Variants in NSD1 observed in about 807,000 individuals in gnomAD.
NSD1 encodes histone-lysine N-methyltransferase, H3 lysine-36 specific.
Under a neutral mutation model 242.7 loss-of-function variants are expected in NSD1, and 26 were observed. The observed-to-expected ratio is 0.11, with a 90% confidence interval of 0.08 to 0.15. The LOEUF (loss-of-function observed/expected upper bound fraction) is 0.15. NSD1 is among the 10% of genes least tolerant of loss of function. NSD1 has a pLI of 1.00. For missense variants in NSD1, 2,495 were observed against 3,272.8 expected, an observed-to-expected ratio of 0.76 and a Z score of 5.80; for synonymous variants, 1,106 against 1,178.1, an observed-to-expected ratio of 0.94 and a Z score of 1.25.
chr5:177,150,545 C>A (rs1213680435), intron 2 of NSD1, among the ~76,000 whole-genome samples: 3 of 146,508 alleles, frequency 2.0e-5, no homozygotes, highest in Admixed American at 6.7e-5. Context: ...GTGTTTTTTG[C>A]TGTTATTATT....
intron 5 of NSD1, among the ~76,000 whole-genome samples, chr5:177,221,483 T>G (rs1764231032): frequency 6.6e-6 from 1 of 152,138 alleles, no homozygotes; most frequent in Admixed American, 6.6e-5. Context: ...CCCCCCAATT[T>G]TTTTTCAAGG....
chr5:177,137,065 ATTG>A (rs1756400051), intron 2 of NSD1: 5 of 448,776 alleles, frequency 1.1e-5, no homozygotes, highest in Non-Finnish European at 2.0e-5. Context: ...GCTGTCAAGT[ATTG>A]TTAGAGGGTG....
chr5:177,159,024 A>G (rs1581162343), intron 2 of NSD1, among the ~76,000 whole-genome samples: 1 of 113,636 alleles, frequency 8.8e-6, no homozygotes, highest in African/African-American at 3.4e-5. Flanking sequence ...ATATATATAT[A>G]TGAATGATAT....
chr5:177,189,833 T>A (rs1161875643), intron 2 of NSD1, among the ~76,000 whole-genome samples: 2 of 152,220 alleles, frequency 1.3e-5, no homozygotes, highest in Non-Finnish European at 2.9e-5. Context: ...CTACTCAGAT[T>A]GCAGTTTTCA....
At chr5:177,257,441 C>T (rs1286818044) in intron 13 of NSD1, among the ~76,000 whole-genome samples, 1 of 152,034 alleles carries the variant, frequency 6.6e-6, no homozygotes, top group Admixed American at 6.6e-5. Flanking sequence ...CCGTGTTAGC[C>T]AGGATGGTCT....
chr5:177,295,649 A>G lies in NSD1; in HGVS notation c.*190A>G. 2 of 690,254 alleles carry G rather than the reference A, an allele frequency of 2.9e-6. No homozygotes were observed. Among genetic ancestry groups the G allele is most frequent in the Non-Finnish European group, 5.0e-6 (2 of 400,178 alleles). 42.8% of individuals were successfully genotyped at this position (690,254 alleles called of 1,614,324 possible). On this transcript the variant is annotated 3_prime_UTR_variant, in exon 23 of 23. Transcript: ENST00000439151. This position sits in a 1 kb window ranked among gnomAD's most constrained non-coding sequence, Gnocchi z 4.3. ...GCCAGTGGGGGCTTATGGTTGTGTG[A>G]ACCATGTATGAAAATCCAGTGGGCC...
chr5:177,140,934 C>T (rs1756758592), intron 2 of NSD1, among the ~76,000 whole-genome samples: 1 of 152,164 alleles, frequency 6.6e-6, no homozygotes, highest in Non-Finnish European at 1.5e-5. Context: ...CTACTCCCTC[C>T]TTAGCTATCT....
intron 2 of NSD1, among the ~76,000 whole-genome samples, chr5:177,188,980 T>C (rs1016053956): frequency 3.9e-5 from 6 of 152,084 alleles, no homozygotes; most frequent in African/African-American, 1.4e-4. Context: ...GAGGCGAAGA[T>C]TGCAGTGAGT....
chr5:177,155,897 G>C (rs1366553772), intron 2 of NSD1, among the ~76,000 whole-genome samples: 1 of 147,550 alleles, frequency 6.8e-6, no homozygotes, highest in Non-Finnish European at 1.5e-5. Context: ...GTAGAGACAG[G>C]TTTCACCATG....
In NSD1 at chr5:177,235,826, C is replaced by T. The variant is rs558018694; in HGVS notation, c.3802C>T (p.Arg1268Trp). The change falls in exon 6 of 23, where the codon CGG (arginine) becomes TGG (tryptophan). Residue 1268 changes from arginine to tryptophan, a missense_variant. By Grantham distance (101) the Arg-to-Trp change is moderately radical. Coordinates refer to ENST00000439151, the MANE Select transcript of NSD1 (RefSeq NM_022455.5). ...ATTTGTTTATCATCTTTTAGCTGTG[C>T]GGTCAGAGAAGAAACGCCTTAGGAA... ...PQAELPEPAV[R>W]SEKKRLRKPS... 6.2e-6 allele frequency: 10 copies of T among 1,613,828 alleles called. No individual in the cohort carries two copies. Among genetic ancestry groups the T allele is most frequent in the Admixed American group, 1.7e-5 (1 of 59,976 alleles).
At chr5:177,146,059 A>T (rs988593254) in intron 2 of NSD1, among the ~76,000 whole-genome samples, 1 of 151,766 alleles carries the variant, frequency 6.6e-6, no homozygotes, top group Non-Finnish European at 1.5e-5. Context: ...ACTGCACTCC[A>T]GCCTGGGTGA....
Position 177,160,075 on chromosome 5 carries a change from G to A in NSD1, c.927+24045G>A, listed in dbSNP as rs572912130. Among the ~76,000 whole-genome samples, 3 of 151,142 alleles carry A rather than the reference G, an allele frequency of 2.0e-5. No individual in the cohort carries two copies. The East Asian group carries it at 5.9e-4, about 30-fold the overall frequency. Reference sequence around the variant, plus strand: ...TGAATAATTTTTTTGTGTTTTTGTAGAGATGGAGTTTCACCATGTTGGCCA... The same window carrying A: ...TGAATAATTTTTTTGTGTTTTTGTAAAGATGGAGTTTCACCATGTTGGCCA... On this transcript the variant is annotated intron_variant, in intron 2 of 22. Coordinates refer to ENST00000439151, the MANE Select transcript of NSD1 (RefSeq NM_022455.5).
intron 5 of NSD1, among the ~76,000 whole-genome samples, chr5:177,214,015 G>A (rs1763571835): frequency 6.6e-6 from 1 of 151,814 alleles, no homozygotes; most frequent in Non-Finnish European, 1.5e-5. Context: ...CTGTTGCCCA[G>A]GCTAGAGTGA....
chr5:177,139,232 C>G (rs995955445), intron 2 of NSD1, among the ~76,000 whole-genome samples: 8 of 138,328 alleles, frequency 5.8e-5, no homozygotes, highest in African/African-American at 8.1e-5. Context: ...GCCTGGGCAA[C>G]AAGAGCGAAA....
chr5:177,267,751 C>T, intron 15 of NSD1, 33 bp downstream of exon 15: 2 of 1,606,802 alleles, frequency 1.2e-6, no homozygotes, highest in South Asian at 2.2e-5. Flanking sequence ...ATCTCTTTTA[C>T]CATCCTCTGT....
intron 2 of NSD1, among the ~76,000 whole-genome samples, chr5:177,172,963 A>G (rs1759837671): frequency 7.4e-6 from 1 of 135,384 alleles, no homozygotes; most frequent in Admixed American, 7.1e-5. Flanking sequence ...CCCTGTCTCA[A>G]AAAAAAAAAA....
chr5:177,284,482 G>T (rs1759142959), intron 20 of NSD1, among the ~76,000 whole-genome samples: 1 of 151,652 alleles, frequency 6.6e-6, no homozygotes, highest in African/African-American at 2.4e-5. Context: ...ACGGAGTCTT[G>T]CCGCTATGTT....
At chr5:177,154,805 C>T (rs997114435) in intron 2 of NSD1, among the ~76,000 whole-genome samples, 3 of 152,044 alleles carry the variant, frequency 2.0e-5, no homozygotes, top group African/African-American at 7.2e-5. Flanking sequence ...AAGTGATTCT[C>T]CTGCCTCAGC....
rs1339302550 is a variant in NSD1 at position 177,211,149 on chromosome 5, T to C, written c.2750T>C (p.Met917Thr). 2.5e-6 allele frequency: 4 copies of C among 1,614,100 alleles called. No homozygotes were observed. The highest frequency in any genetic ancestry group is 3.4e-6 in the Non-Finnish European group (4 of 1,180,040). Residue 917 changes from methionine to threonine, a missense_variant, in exon 5 of 23, where the codon ATG (methionine) becomes ACG (threonine). Coordinates refer to ENST00000439151, the MANE Select transcript of NSD1 (RefSeq NM_022455.5). ...FSTLLMMLKD[M>T]HDSKTKEQRL... is the part of the protein sequence containing the mutation. ...ACATTGCTAATGATGTTGAAAGATA[T>C]GCATGATAGTAAGACGAAGGAGCAG...
Sources: allele counts gnomAD v4.1 joint callset (sites outside exome capture counted in the v4.1 genomes callset), GRCh38; gene constraint gnomAD v4.1.1; non-coding constraint Gnocchi (gnomAD v3.1); transcripts MANE v1.5; gene names NCBI Gene and HGNC (gene_info 2026-07-23, HGNC 2026-07-21).